ACACB: variants seen among roughly 807,000 people sequenced by gnomAD.
The protein encoded by ACACB is acetyl-CoA carboxylase 2.
A neutral mutation model predicts 278.8 loss-of-function variants in ACACB; 209 were observed. The ratio of observed to expected loss-of-function variants is 0.75; its 90% CI spans 0.67 to 0.84. The LOEUF is 0.84. Ranked by LOEUF, ACACB falls within the 40% of genes least tolerant of loss-of-function variation. The pLI is 0.00. For synonymous variants in ACACB, 1,174 were observed against 1,285.6 expected, an observed-to-expected ratio of 0.91 and a Z score of 1.86; for missense variants, 2,850 against 3,269.0, an observed-to-expected ratio of 0.87 and a Z score of 3.13.
At chr12:109,174,571 T>G (rs1277220237) in intron 7 of ACACB, among the ~76,000 whole-genome samples, 1 of 147,260 alleles carries the variant, frequency 6.8e-6, no homozygotes, top group African/African-American at 2.5e-5. Context: ...AAAAGACAGA[T>G]CTTGGCCAGT....
upstream of ACACB, among the ~76,000 whole-genome samples, chr12:109,115,369 T>C (rs1471195336): frequency 1.3e-5 from 2 of 152,226 alleles, no homozygotes; most frequent in African/African-American, 2.4e-5. Context: ...GGAAAGAATT[T>C]TTTTTTCATG....
chr12:109,212,797 A>T, intron 21 of ACACB, 39 bp from the exon 22 acceptor site: 1 of 1,546,394 alleles, frequency 6.5e-7, no homozygotes, highest in Non-Finnish European at 8.9e-7. Context: ...GTGTCATCTG[A>T]ATCATCAGCA....
intron 19 of ACACB, among the ~76,000 whole-genome samples, chr12:109,202,331 T>C (rs2045360984): frequency 6.6e-6 from 1 of 152,174 alleles, no homozygotes. Flanking sequence ...TCATTTTTTT[T>C]TGAGACAGAC....
intron 39 of ACACB, 152 bp downstream of exon 39, chr12:109,246,600 C>G (rs2046953801): frequency 1.0e-6 from 1 of 957,896 alleles, no homozygotes; most frequent in African/African-American, 1.7e-5. Flanking sequence ...TACAGTGTAT[C>G]AGTGATACTA....
At chr12:109,250,199 T>C (rs532759981) in intron 41 of ACACB, 95 bp downstream of exon 41, 2 of 1,345,268 alleles carry the variant, frequency 1.5e-6, no homozygotes, top group Admixed American at 2.9e-5. Flanking sequence ...ATAAGCCCCA[T>C]GTGCCCGTCA....
intron 34 of ACACB, among the ~76,000 whole-genome samples, chr12:109,238,841 AG>A (rs2046713795): frequency 6.6e-6 from 1 of 151,936 alleles, no homozygotes; most frequent in African/African-American, 2.4e-5. Context: ...CTGGGATTAC[AG>A]GCGTGAGCCA....
At chr12:109,157,253 C>G (rs1047369834) in intron 2 of ACACB, among the ~76,000 whole-genome samples, 3 of 127,048 alleles carry the variant, frequency 2.4e-5, no homozygotes, top group African/African-American at 9.2e-5. Flanking sequence ...GACTAGCCCT[C>G]ATAGGCCTTT....
At position 109,139,817 on chromosome 12, in the gene ACACB, A is replaced by G; in HGVS notation, c.412A>G (p.Arg138Gly). The G allele has an allele frequency of 6.2e-7, 1 of 1,614,206 alleles. No individual in the cohort carries two copies. The highest frequency in any genetic ancestry group is 8.5e-7 in the Non-Finnish European group (1 of 1,180,024). ...TACCAATGGCCTGTCCTCCTCAGCC[A>G]GGCCCCAGGGCCAGCAAGCTGGCTC... ...TDTNGLSSSA[R>G]PQGQQAGSPS... The change falls in exon 2 of 53, where the codon AGG becomes GGG. Residue 138 changes from arginine to glycine, a missense_variant. Arg to Gly is a moderately radical substitution (Grantham distance 125). This residue lies in a region of ACACB where 2,265 missense variants were observed against 2,561.3 expected (regional missense o/e 0.88). Transcript: ENST00000338432.
intron 45 of ACACB, 111 bp downstream of exon 45, chr12:109,256,347 T>C (rs1036580352): frequency 1.2e-6 from 1 of 822,912 alleles, no homozygotes; most frequent in Non-Finnish European, 2.0e-6. Context: ...GCCTCAGGAT[T>C]TTCTAAAAGA....
At chr12:109,180,189 C>T (rs2044420699) in intron 11 of ACACB, 102 bp downstream of exon 11, 4 of 1,249,754 alleles carry the variant, frequency 3.2e-6, no homozygotes, top group Non-Finnish European at 4.5e-6. Context: ...GCCGACTGTC[C>T]CAGGGGAATG....
At position 109,245,744 on chromosome 12, in the gene ACACB, A is replaced by T. The variant is rs1480739582; in HGVS notation, c.5297A>T (p.Asn1766Ile). ...GAGATGAACCGACTTCCTGGTGGAAATGAGGTAATAGCTCAGCGGAGCCTA... is the reference window on the plus strand; with the variant it reads ...GAGATGAACCGACTTCCTGGTGGAATTGAGGTAATAGCTCAGCGGAGCCTA... The part of the protein sequence containing the change: ...LVEMNRLPGG[N>I]EVGMVAFKMR... The change falls in exon 38 of 53, where the codon AAT (asparagine) becomes ATT (isoleucine). Residue 1766 changes from asparagine to isoleucine, a missense_variant. Around this residue, in one of 3 missense-constraint regions of ACACB, gnomAD observed 2,265 missense variants for 2,561.3 expected, o/e 0.88. Coordinates refer to ENST00000338432, the MANE Select transcript of ACACB (RefSeq NM_001093.4). 1 of 1,613,954 alleles carries T rather than the reference A, an allele frequency of 6.2e-7. No homozygotes were observed. Among genetic ancestry groups the T allele is most frequent in the East Asian group, 2.2e-5 (1 of 44,872 alleles).
At chr12:109,166,537 C>T (rs1405878946) in intron 2 of ACACB, among the ~76,000 whole-genome samples, 1 of 149,922 alleles carries the variant, frequency 6.7e-6, no homozygotes, top group African/African-American at 2.5e-5. Flanking sequence ...TAAAAGTCGG[C>T]TGGGCTTGGT....
intron 1 of ACACB, among the ~76,000 whole-genome samples, chr12:109,117,102 TGCCACCCA>T (rs1303038010): frequency 6.9e-6 from 1 of 145,262 alleles, no homozygotes; most frequent in East Asian, 2.0e-4. Flanking sequence ...CGGTGGCTCA[TGCCACCCA>T]GCACCTTGGG....
At chr12:109,181,308 A>G (rs1299699291) in intron 11 of ACACB, among the ~76,000 whole-genome samples, 1 of 149,246 alleles carries the variant, frequency 6.7e-6, no homozygotes, top group Non-Finnish European at 1.5e-5. Context: ...GCTCACTGCA[A>G]CCTCCACCTC....
chr12:109,166,095 A>G (rs2043886706), intron 2 of ACACB, among the ~76,000 whole-genome samples: 1 of 152,174 alleles, frequency 6.6e-6, no homozygotes, highest in Admixed American at 6.5e-5. Context: ...TGGGCAACAA[A>G]GTGAGACCCC....
chr12:109,266,214 C>A lies in ACACB; in HGVS notation c.7251-22C>A, dbSNP rs1162166512. On this transcript the variant is annotated intron_variant, in intron 52 of 52. Coordinates refer to ENST00000338432, the MANE Select transcript of ACACB (RefSeq NM_001093.4). ...AAAAAGTGGCTGGAGTGATCCCAGC[C>A]CTCCTCTCACCTCCCCCACAGCCTG... 2.5e-6 allele frequency: 4 copies of A among 1,608,908 alleles called. No individual in the cohort carries two copies. The African/African-American group carries it at 5.4e-5, about 22-fold the overall frequency.
chr12:109,191,858 G>T lies in ACACB; in HGVS notation c.2307G>T (p.Pro769=). ...GCATTTTCTCCTAGGCGGAGAAACCGGATATCATGCTTGGGGTGGTATGCG... is the reference window on the plus strand; with the variant it reads ...GCATTTTCTCCTAGGCGGAGAAACCTGATATCATGCTTGGGGTGGTATGCG... ...LIAEKVQAEK[P]DIMLGVVCGA... Residue 769 remains proline (P), a synonymous_variant, in exon 15 of 53, where the codon CCG becomes CCT. Coordinates refer to ENST00000338432, the MANE Select transcript of ACACB (RefSeq NM_001093.4). The T allele has an allele frequency of 6.2e-7, 1 of 1,614,158 alleles. No homozygotes were observed. Among genetic ancestry groups the T allele is most frequent in the Non-Finnish European group, 8.5e-7 (1 of 1,180,026 alleles).
At chr12:109,263,607 G>T (rs1197764789) in intron 49 of ACACB, 1 of 152,256 alleles carries the variant, frequency 6.6e-6, no homozygotes, top group Non-Finnish European at 1.5e-5. Context: ...CATAGAATGA[G>T]TTGAAGTGTT....
chr12:109,166,428 C>T (rs1289851314), intron 2 of ACACB, among the ~76,000 whole-genome samples: 1 of 151,760 alleles, frequency 6.6e-6, no homozygotes, highest in East Asian at 1.9e-4. Flanking sequence ...TGGTTCACGC[C>T]TGTAATCCCA....
Sources: gnomAD v4.1 joint callset for allele counts (sites outside exome capture counted in the v4.1 genomes callset) on GRCh38, gnomAD v4.1.1 for gene constraint, gnomAD v4.1.1 regional missense constraint, MANE v1.5 for transcripts, NCBI Gene and HGNC (gene_info 2026-07-23, HGNC 2026-07-21) for gene names.